The following COL4A4 variants were observed in gnomAD, a reference collection of about 807,000 sequenced individuals.
COL4A4 encodes the protein collagen type IV alpha 4 chain.
COL4A4 carries 105 observed loss-of-function variants against 192.9 expected under a neutral mutation model. That is an observed-to-expected ratio of 0.54 (90% CI 0.46 to 0.64). The LOEUF (loss-of-function observed/expected upper bound fraction) is 0.64. Ranked by LOEUF, COL4A4 falls within the 30% of genes least tolerant of loss-of-function variation. COL4A4 has a pLI of 0.00. For synonymous variants in COL4A4, 762 were observed against 769.9 expected (o/e 0.99, Z 0.17); for missense variants, 1,967 against 2,169.3 (o/e 0.91, Z 1.85).
rs1253372601 is a variant in COL4A4 at position 227,003,603 on chromosome 2, G to C, written c.*3722C>G. 1 of 152,136 alleles carries C rather than the reference G, an allele frequency of 6.6e-6. No individual in the cohort carries two copies. Among genetic ancestry groups the C allele is most frequent in the South Asian group, 2.1e-4 (1 of 4,826 alleles). The allele number at this position is 152,136 out of a possible 1,614,324, so 9.4% of individuals were successfully genotyped here. A position where few individuals can be genotyped will look rare whatever the true frequency, so the allele number is the denominator to read the frequency against. ...TGGTTTGCTTTACTGTAATCTACAC[G>C]AGGTTCAAAATAAGATGATAAAGCC... On this transcript the variant is annotated 3_prime_UTR_variant, in exon 48 of 48. Coordinates refer to ENST00000396625, the MANE Select transcript of COL4A4 (RefSeq NM_000092.5).
chr2:226,980,515 A>C, the COL4A4 span, among the ~76,000 whole-genome samples: 1 of 152,166 alleles, frequency 6.6e-6, no homozygotes, highest in Non-Finnish European at 1.5e-5. Context: ...TGAGCAAGTC[A>C]GATCTACCAT....
Position 227,051,138 on chromosome 2 carries a change from T to A in COL4A4, c.2989A>T (p.Met997Leu). The A allele has an allele frequency of 6.2e-7, 1 of 1,614,124 alleles. No homozygotes were observed. Among genetic ancestry groups the A allele is most frequent in the Non-Finnish European group, 8.5e-7 (1 of 1,179,996 alleles). ...CCCGGCTCTCCTCTTCTCCCTTGCATCCCGGGAGTTCCTTTATCACCTGAT... is the reference window on the plus strand; with the variant it reads ...CCCGGCTCTCCTCTTCTCCCTTGCAACCCGGGAGTTCCTTTATCACCTGAT... The part of the protein sequence containing the change: ...GERGDKGTPG[M>L]QGRRGEPGRY... The change falls in exon 33 of 48, where the codon ATG becomes TTG. Residue 997 changes from methionine to leucine, a missense_variant. Coordinates refer to ENST00000396625, the MANE Select transcript of COL4A4 (RefSeq NM_000092.5).
chr2:227,067,435 C>T (rs1346319365), intron 25 of COL4A4, among the ~76,000 whole-genome samples: 3 of 152,212 alleles, frequency 2.0e-5, no homozygotes, highest in Non-Finnish European at 2.9e-5. Context: ...CACCACACCA[C>T]ACCTATTCCA....
At chr2:227,020,674 G>C (rs1017713906) in intron 44 of COL4A4, among the ~76,000 whole-genome samples, 2 of 152,038 alleles carry the variant, frequency 1.3e-5, no homozygotes. Context: ...GGCAGTGAGG[G>C]GGGGTGAAAG....
intron 37 of COL4A4, among the ~76,000 whole-genome samples, chr2:227,041,850 GAAAGAAAGAA>G (rs1971331186): frequency 4.7e-5 from 3 of 64,086 alleles, no homozygotes; most frequent in South Asian, 5.4e-4. Context: ...GAAAGAAAGA[GAAAGAAAGAA>G]AGAAAGAAAG....
At chr2:227,161,426 A>T (rs1206875847) in intron 1 of COL4A4, among the ~76,000 whole-genome samples, 3 of 152,232 alleles carry the variant, frequency 2.0e-5, no homozygotes, top group Non-Finnish European at 4.4e-5. Context: ...ATGTACGAAA[A>T]GAACCATCCT....
intron 1 of COL4A4, among the ~76,000 whole-genome samples, chr2:227,154,200 T>A (rs2064160593): frequency 6.6e-6 from 1 of 152,200 alleles, no homozygotes; most frequent in Admixed American, 6.5e-5. Context: ...TTCTCCCCCC[T>A]TCACTCCTTT....
chr2:227,040,628 C>T (rs1010594252), intron 37 of COL4A4, among the ~76,000 whole-genome samples: 81 of 150,540 alleles, frequency 5.4e-4, no homozygotes, highest in Admixed American at 2.2e-3. Context: ...CGCAGTGGCA[C>T]GATATTGGCT....
rs942073988 is a variant in COL4A4 at position 227,008,350 on chromosome 2, A to G, written c.4523-46T>C. ...CAGCTGGTGTCCAAGCACCCCATGT[A>G]GGTGTTCCCAGACCCTTCCTTCCTC... is the stretch of plus-strand genomic sequence containing the variant. On this transcript the variant is annotated intron_variant, in intron 46 of 47. Transcript: ENST00000396625. The G allele has an allele frequency of 5.6e-6, 9 of 1,595,662 alleles. No individual in the cohort carries two copies. The African/African-American group carries it at 1.1e-4, about 19-fold the overall frequency.
chr2:227,098,762 C>G lies in COL4A4; in HGVS notation c.1136G>C (p.Gly379Ala). 7 of 1,614,060 alleles carry G rather than the reference C, an allele frequency of 4.3e-6. No individual in the cohort carries two copies. Among genetic ancestry groups the G allele is most frequent in the Non-Finnish European group, 5.9e-6 (7 of 1,179,974 alleles). Reference protein sequence around the residue: ...PGDPGFPGRYGETGDVGPPGP... With the variant: ...PGDPGFPGRYAETGDVGPPGP... ...AGGTGGTCCAACATCCCCTGTTTCT[C>G]CATAGCGGCCAGGGAACCCTGGGTC... Residue 379 changes from glycine to alanine, a missense_variant, in exon 19 of 48, where the codon GGA becomes GCA. Transcript: ENST00000396625.
chr2:226,973,561 T>C, the COL4A4 span, among the ~76,000 whole-genome samples: 4 of 152,196 alleles, frequency 2.6e-5, no homozygotes, highest in African/African-American at 9.6e-5. Flanking sequence ...TTCCTAGATG[T>C]AATATTCACT....
intron 24 of COL4A4, 90 bp from the exon 25 acceptor site, chr2:227,078,167 A>G: frequency 7.5e-7 from 1 of 1,325,048 alleles, no homozygotes; most frequent in Non-Finnish European, 1.1e-6. Flanking sequence ...CACACGCAAA[A>G]GTCCATAATT....
In COL4A4 at chr2:227,006,758, A is replaced by AT. The variant is rs11314253; in HGVS notation, c.*566dup. ...GGAACTGTTAACGCTGGCAGTGTGA[A>AT]TTTTTTTTTTTCTTCTTTAAAAAAA... is the stretch of plus-strand genomic sequence containing the variant. On this transcript the variant is annotated 3_prime_UTR_variant, in exon 48 of 48. Coordinates refer to ENST00000396625, the MANE Select transcript of COL4A4 (RefSeq NM_000092.5). 5.4e-4 allele frequency: 83 copies of AT among 153,258 alleles called. No individual in the cohort carries two copies. The highest frequency in any genetic ancestry group is 1.0e-3 in the Admixed American group (16 of 15,790). The allele number at this position is 153,258 out of a possible 1,614,324, so 9.5% of individuals were successfully genotyped here. A position where few individuals can be genotyped will look rare whatever the true frequency, so the allele number is the denominator to read the frequency against.
intron 26 of COL4A4, 48 bp from the exon 27 acceptor site, chr2:227,060,291 A>C: frequency 7.3e-6 from 9 of 1,229,274 alleles, no homozygotes; most frequent in Non-Finnish European, 9.6e-6. Flanking sequence ...ACAAAATCTA[A>C]TGTGAACAAA....
At chr2:226,996,675 A>C in the COL4A4 span, 1 of 152,246 alleles carries the variant, frequency 6.6e-6, no homozygotes, top group East Asian at 1.9e-4. Flanking sequence ...AAACATCTGG[A>C]AAGAAATATA....
the COL4A4 span, among the ~76,000 whole-genome samples, chr2:226,971,240 G>A: frequency 1.3e-5 from 2 of 152,152 alleles, no homozygotes; most frequent in African/African-American, 4.8e-5. Context: ...GCAGAACCGA[G>A]GCAGGTGCTT....
intron 1 of COL4A4, among the ~76,000 whole-genome samples, chr2:227,160,140 G>T (rs1178641156): frequency 6.6e-6 from 1 of 152,176 alleles, no homozygotes; most frequent in Non-Finnish European, 1.5e-5. Context: ...ATCATAAAAA[G>T]CTTGGGATGA....
chr2:227,065,602 C>A (rs1265495230), intron 25 of COL4A4, among the ~76,000 whole-genome samples: 1 of 152,090 alleles, frequency 6.6e-6, no homozygotes, highest in Non-Finnish European at 1.5e-5. Flanking sequence ...CTGGGAGGCA[C>A]CCCCCAGCAG....
chr2:227,106,084 G>A (rs2060824420), intron 12 of COL4A4, among the ~76,000 whole-genome samples: 1 of 149,614 alleles, frequency 6.7e-6, no homozygotes, highest in African/African-American at 2.4e-5. Flanking sequence ...CCTAAACCTG[G>A]GAAATTGAAG....
Sources: allele counts gnomAD v4.1 joint callset (sites outside exome capture counted in the v4.1 genomes callset), GRCh38; gene constraint gnomAD v4.1.1; transcripts MANE v1.5; gene names NCBI Gene and HGNC (gene_info 2026-07-23, HGNC 2026-07-21).